The following PREX2 variants were observed in gnomAD, a reference collection of about 807,000 sequenced individuals.
PREX2 encodes the protein phosphatidylinositol 3,4,5-trisphosphate-dependent Rac exchanger 2 protein.
PREX2 carries 107 observed loss-of-function variants against 203.2 expected under a neutral mutation model. That is an observed-to-expected ratio of 0.53 (90% CI 0.45 to 0.62). The LOEUF (loss-of-function observed/expected upper bound fraction) is 0.62. PREX2 is among the 20% of genes least tolerant of loss of function. The pLI is 0.00. For missense variants in PREX2, 1,777 were observed against 1,955.9 expected (o/e 0.91, Z 1.72); for synonymous variants, 672 against 663.6 (o/e 1.01, Z -0.19).
chr8:68,019,586 A>G lies in PREX2; in HGVS notation c.251A>G (p.His84Arg). The change falls in exon 3 of 40, where the codon CAT becomes CGT. Residue 84 changes from histidine (H) to arginine (R), a missense_variant. Physicochemically the swap from His to Arg is conservative, Grantham distance 29. Coordinates refer to ENST00000288368, the MANE Select transcript of PREX2 (RefSeq NM_024870.4). ...AACATTGAAGACATCCTTGCAGTAC[A>G]TAAAGAATTCTTAAAAGTCGTGGAA... ...FSNIEDILAV[H>R]KEFLKVVEEC... is the part of the protein sequence containing the mutation. 4 of 1,613,080 alleles carry G rather than the reference A, an allele frequency of 2.5e-6. No homozygotes were observed. The highest frequency in any genetic ancestry group is 3.4e-6 in the Non-Finnish European group (4 of 1,179,172).
At chr8:68,206,847 A>G (rs1309252016) in intron 37 of PREX2, among the ~76,000 whole-genome samples, 1 of 152,126 alleles carries the variant, frequency 6.6e-6, no homozygotes, top group Non-Finnish European at 1.5e-5. Context: ...TTGACAGTGG[A>G]GCCGCATTGG....
At chr8:68,090,520 T>C in intron 19 of PREX2, 59 bp from the exon 20 acceptor site, 1 of 1,476,912 alleles carries the variant, frequency 6.8e-7, no homozygotes, top group Non-Finnish European at 9.4e-7. Flanking sequence ...GTATATATCA[T>C]ACAAATGAAT....
At chr8:68,129,899 A>ACC in intron 31 of PREX2, among the ~76,000 whole-genome samples, 2 of 129,586 alleles carry the variant, frequency 1.5e-5, no homozygotes, top group Non-Finnish European at 3.4e-5. Flanking sequence ...AAAAAAAAAA[A>ACC]CCCTCAAATT....
intron 1 of PREX2, 89 bp from the exon 2 acceptor site, chr8:68,017,757 G>C: frequency 9.1e-7 from 1 of 1,100,198 alleles, no homozygotes; most frequent in Non-Finnish European, 1.3e-6. Flanking sequence ...ACTTTGGTTT[G>C]TTGTAAAGAA....
chr8:67,958,888 T>A (rs189205536), intron 1 of PREX2, among the ~76,000 whole-genome samples: 318 of 152,246 alleles, frequency 2.1e-3, no homozygotes, highest in African/African-American at 7.5e-3. Context: ...GGAAAATGAA[T>A]TTGCTTTTGG....
intron 25 of PREX2, among the ~76,000 whole-genome samples, chr8:68,115,327 T>A (rs1563552714): frequency 6.6e-6 from 1 of 152,116 alleles, no homozygotes; most frequent in Non-Finnish European, 1.5e-5. Flanking sequence ...AACACCCGGC[T>A]GATTACCGAG....
Position 68,092,349 on chromosome 8 carries a change from T to C in PREX2, c.2251-1256T>C, listed in dbSNP as rs191725954. Reference sequence around the variant, plus strand: ...AATGATCAAATGTTAATTAGCATTTTAATGATTTGTAGCAATATATTAATT... The same window carrying C: ...AATGATCAAATGTTAATTAGCATTTCAATGATTTGTAGCAATATATTAATT... On this transcript the variant is annotated intron_variant, in intron 20 of 39. Transcript: ENST00000288368. Among the ~76,000 whole-genome samples the C allele has an allele frequency of 5.4e-4, 82 of 152,338 alleles. 2 individuals are homozygous for C. Among genetic ancestry groups the C allele is most frequent in the Middle Eastern group, 3.4e-3 (1 of 294 alleles).
At chr8:68,077,922 T>G (rs1204276190) in intron 15 of PREX2, among the ~76,000 whole-genome samples, 1 of 152,142 alleles carries the variant, frequency 6.6e-6, no homozygotes, top group East Asian at 1.9e-4. Flanking sequence ...GAGAACAAAA[T>G]TATAGATCTC....
chr8:68,071,772 A>G (rs1809201329), intron 13 of PREX2, among the ~76,000 whole-genome samples: 1 of 152,094 alleles, frequency 6.6e-6, no homozygotes, highest in Admixed American at 6.5e-5. Context: ...AGGCAAAAAG[A>G]ATAACAGGTT....
At chr8:68,091,129 T>C (rs181241805) in intron 20 of PREX2, among the ~76,000 whole-genome samples, 1 of 152,220 alleles carries the variant, frequency 6.6e-6, no homozygotes, top group East Asian at 1.9e-4. Flanking sequence ...AAAGCAAAAA[T>C]TGTGGGTTTT....
intron 33 of PREX2, among the ~76,000 whole-genome samples, chr8:68,139,365 GCAGAC>G (rs1244367888): frequency 2.1e-4 from 32 of 152,260 alleles, no homozygotes; most frequent in African/African-American, 6.3e-4. Context: ...GAGGCTGGGA[GCAGAC>G]ATGGCATGCT....
chr8:68,037,394 T>C (rs1309851970), intron 6 of PREX2, among the ~76,000 whole-genome samples: 2 of 152,154 alleles, frequency 1.3e-5, no homozygotes, highest in Admixed American at 6.6e-5. Context: ...TTATAATGGC[T>C]CAAAATAGAC....
At chr8:68,036,486 T>G (rs929634019) in intron 6 of PREX2, among the ~76,000 whole-genome samples, 4 of 152,130 alleles carry the variant, frequency 2.6e-5, no homozygotes, top group Non-Finnish European at 5.9e-5. Context: ...CTTATATGGG[T>G]CATGATAAGA....
intron 25 of PREX2, among the ~76,000 whole-genome samples, chr8:68,111,446 G>T (rs763443919): frequency 6.6e-6 from 1 of 151,930 alleles, no homozygotes; most frequent in African/African-American, 2.4e-5. Context: ...GGAAAAATAT[G>T]TAAACCCAAG....
At chr8:68,090,747 G>A (rs757134353) in intron 20 of PREX2, 32 bp downstream of exon 20, 3 of 1,588,072 alleles carry the variant, frequency 1.9e-6, no homozygotes, top group South Asian at 2.2e-5. Context: ...CTGGATCTGA[G>A]TGACTACTTG....
chr8:68,078,273 C>T (rs1359785749), intron 15 of PREX2, among the ~76,000 whole-genome samples: 3 of 152,130 alleles, frequency 2.0e-5, no homozygotes, highest in Non-Finnish European at 2.9e-5. Context: ...TGAAGCGATT[C>T]TCCCACCTCA....
chr8:68,077,514 G>C, intron 15 of PREX2, 45 bp downstream of exon 15: 1 of 1,408,978 alleles, frequency 7.1e-7, no homozygotes, highest in Non-Finnish European at 1.0e-6. Context: ...ATTTCATCAC[G>C]TTGGTTCTTA....
chr8:67,962,918 A>T (rs1410044407), intron 1 of PREX2, among the ~76,000 whole-genome samples: 1 of 152,030 alleles, frequency 6.6e-6, no homozygotes, highest in African/African-American at 2.4e-5. Flanking sequence ...AATTTTATAT[A>T]TTTTATATAT....
chr8:68,126,706 C>T (rs1270618868), intron 30 of PREX2, among the ~76,000 whole-genome samples: 1 of 151,982 alleles, frequency 6.6e-6, no homozygotes, highest in Non-Finnish European at 1.5e-5. Context: ...ACCTATTGCA[C>T]ATAAACTATA....
Sources: allele counts gnomAD v4.1 joint callset (sites outside exome capture counted in the v4.1 genomes callset), GRCh38; gene constraint gnomAD v4.1.1; transcripts MANE v1.5; gene names NCBI Gene and HGNC (gene_info 2026-07-23, HGNC 2026-07-21).